BLK: variants seen among roughly 807,000 people sequenced by gnomAD.
BLK encodes tyrosine-protein kinase Blk.
In BLK, 64 loss-of-function variants were observed where a neutral mutation model predicts 61.8. The ratio of observed to expected loss-of-function variants is 1.03; its 90% CI spans 0.85 to 1.27. BLK has a LOEUF of 1.27. BLK is among the 50% of genes most tolerant of loss of function. The pLI is 0.00. For missense variants in BLK, 853 were observed against 660.5 expected, an observed-to-expected ratio of 1.29 and a Z score of -3.19; for synonymous variants, 351 against 272.0, an observed-to-expected ratio of 1.29 and a Z score of -2.86.
rs1047296677 is a variant in BLK at position 11,564,400 on chromosome 8, AG to A, written c.*293del. On this transcript the variant is annotated 3_prime_UTR_variant, in exon 13 of 13. Transcript: ENST00000259089. ...CCCAGTAAGGTGTTCAGGACTGGTA[AG>A]CGACTGTCATCAAGTAAGGCCCCCG... is the stretch of plus-strand genomic sequence containing the variant. The A allele has an allele frequency of 1.6e-6, 1 of 640,852 alleles. No homozygotes were observed. The highest frequency in any genetic ancestry group is 1.8e-5 in the African/African-American group (1 of 55,908). The allele number at this position is 640,852 out of a possible 1,614,324, so 39.7% of individuals were successfully genotyped here.
intron 1 of BLK, among the ~76,000 whole-genome samples, chr8:11,535,795 G>T (rs1376027180): frequency 3.3e-5 from 5 of 152,230 alleles, no homozygotes; most frequent in Non-Finnish European, 7.3e-5. Context: ...TCTCTACCAA[G>T]AGGGGCTGAG....
chr8:11,540,820 A>C (rs1055896264), intron 1 of BLK, among the ~76,000 whole-genome samples: 3 of 150,920 alleles, frequency 2.0e-5, no homozygotes, highest in Non-Finnish European at 4.4e-5. Context: ...TGTGAGGAAC[A>C]GATAACCCCA....
intron 10 of BLK, chr8:11,561,000 C>T (rs987563520): frequency 3.4e-6 from 2 of 581,410 alleles, no homozygotes; most frequent in Admixed American, 2.2e-5. Context: ...TTTTCTCCTG[C>T]CTGTGTTCTT....
chr8:11,525,061 G>A (rs1367722891), intron 1 of BLK, among the ~76,000 whole-genome samples: 2 of 152,172 alleles, frequency 1.3e-5, no homozygotes, highest in East Asian at 3.8e-4. Flanking sequence ...GTGTGAAGGG[G>A]AAAGCATATT....
chr8:11,524,986 G>A (rs1799597027), intron 1 of BLK, among the ~76,000 whole-genome samples: 1 of 151,096 alleles, frequency 6.6e-6, no homozygotes, highest in South Asian at 2.1e-4. Context: ...CTGGATGATG[G>A]CATTGGAGTT....
intron 5 of BLK, 125 bp downstream of exon 5, chr8:11,549,247 G>A: frequency 1.2e-6 from 1 of 839,238 alleles, no homozygotes; most frequent in Middle Eastern, 2.3e-4. Context: ...GCAAAGAGGG[G>A]ACAGGAAATG....
At chr8:11,549,255 A>G in intron 5 of BLK, 133 bp downstream of exon 5, 1 of 815,130 alleles carries the variant, frequency 1.2e-6, no homozygotes, top group Non-Finnish European at 2.1e-6. Flanking sequence ...GGGACAGGAA[A>G]TGAGCTCTGC....
chr8:11,545,775 G>C, intron 2 of BLK: 2 of 497,560 alleles, frequency 4.0e-6, no homozygotes, highest in Non-Finnish European at 7.3e-6. Flanking sequence ...AGCCCAAGTG[G>C]TTGGGCTTTC....
intron 7 of BLK, 85 bp from the exon 8 acceptor site, chr8:11,555,247 G>A: frequency 1.3e-6 from 2 of 1,583,952 alleles, no homozygotes; most frequent in Non-Finnish European, 1.7e-6. Context: ...GGGGAGTGGA[G>A]GGCCAGCTAG....
At chr8:11,563,552 T>A (rs1442298110) in intron 12 of BLK, among the ~76,000 whole-genome samples, 1 of 152,048 alleles carries the variant, frequency 6.6e-6, no homozygotes, top group Non-Finnish European at 1.5e-5. Context: ...AGGCTCCGGG[T>A]CACCTGCTGC....
intron 9 of BLK, 148 bp downstream of exon 9, chr8:11,556,985 A>C: frequency 3.7e-6 from 1 of 272,376 alleles, no homozygotes. Context: ...GGAGGGATGG[A>C]GGGAGGGGGA....
chr8:11,500,845 T>C (rs1056949797), intron 1 of BLK, among the ~76,000 whole-genome samples: 1 of 152,212 alleles, frequency 6.6e-6, no homozygotes, highest in Non-Finnish European at 1.5e-5. Context: ...TATAAATTAT[T>C]TCATTTTAAG....
At chr8:11,535,718 TGCAG>T (rs1800108339) in intron 1 of BLK, among the ~76,000 whole-genome samples, 1 of 152,192 alleles carries the variant, frequency 6.6e-6, no homozygotes, top group Non-Finnish European at 1.5e-5. Flanking sequence ...ACTAAAATGG[TGCAG>T]GTAAACACTG....
chr8:11,555,738 T>G, intron 8 of BLK: 3 of 575,408 alleles, frequency 5.2e-6, no homozygotes, highest in Non-Finnish European at 6.3e-6. Flanking sequence ...AGTCGCTCCC[T>G]CCTTCGTTCT....
chr8:11,525,944 C>T (rs186159318), intron 1 of BLK, among the ~76,000 whole-genome samples: 146 of 152,146 alleles, frequency 9.6e-4, no homozygotes, highest in Non-Finnish European at 1.8e-3. Context: ...AGGGTTTCAC[C>T]GTGTTTTCAT....
chr8:11,510,937 C>T (rs1216216482), intron 1 of BLK, among the ~76,000 whole-genome samples: 1 of 152,140 alleles, frequency 6.6e-6, no homozygotes, highest in Non-Finnish European at 1.5e-5. Context: ...GTCCGTGGTT[C>T]TTAACTAAAG....
intron 1 of BLK, among the ~76,000 whole-genome samples, chr8:11,502,740 C>A (rs1798613594): frequency 6.6e-6 from 1 of 152,190 alleles, no homozygotes; most frequent in African/African-American, 2.4e-5. Flanking sequence ...GGCCACACTG[C>A]AGATCAGGGT....
intron 1 of BLK, among the ~76,000 whole-genome samples, chr8:11,533,664 A>C: frequency 3.2e-5 from 1 of 30,896 alleles, no homozygotes; most frequent in African/African-American, 1.2e-4. Context: ...GGAGGGGGAG[A>C]GGGAGGGAGA....
intron 5 of BLK, among the ~76,000 whole-genome samples, chr8:11,549,509 T>G (rs1800807507): frequency 6.6e-6 from 1 of 152,142 alleles, no homozygotes; most frequent in Non-Finnish European, 1.5e-5. Flanking sequence ...GTGGCGTTGT[T>G]CAGAACTGAT....
Sources: allele counts gnomAD v4.1 joint callset (sites outside exome capture counted in the v4.1 genomes callset), GRCh38; gene constraint gnomAD v4.1.1; transcripts MANE v1.5; gene names NCBI Gene and HGNC (gene_info 2026-07-23, HGNC 2026-07-21).